RIC3: variants seen among roughly 807,000 people sequenced by gnomAD.
RIC3 encodes the protein RIC3 acetylcholine receptor chaperone, also known as protein RIC-3.
In RIC3, 28 loss-of-function variants were observed where a neutral mutation model predicts 27.3. The ratio of observed to expected loss-of-function variants is 1.02; its 90% CI spans 0.76 to 1.41. RIC3 has a LOEUF of 1.41. Ranked by LOEUF, RIC3 falls within the 40% of genes most tolerant of loss-of-function variation. The pLI, the probability that RIC3 is intolerant of heterozygous loss-of-function variation, is 0.00. For synonymous variants in RIC3, 184 were observed against 160.4 expected (o/e 1.15, Z -1.11); for missense variants, 501 against 444.7 (o/e 1.13, Z -1.14).
intron 1 of RIC3, among the ~76,000 whole-genome samples, chr11:8,143,770 T>C (rs1443148043): frequency 1.3e-5 from 2 of 152,136 alleles, no homozygotes; most frequent in Non-Finnish European, 2.9e-5. Flanking sequence ...GCTACCTGAC[T>C]TCAAACTATA....
chr11:8,157,545 G>A (rs375803424), intron 1 of RIC3, among the ~76,000 whole-genome samples: 36 of 152,168 alleles, frequency 2.4e-4, no homozygotes, highest in African/African-American at 7.7e-4. Flanking sequence ...TGTTCCTAGT[G>A]GTCTCCGGCT....
chr11:8,144,923 C>G (rs1293756859), intron 1 of RIC3, among the ~76,000 whole-genome samples: 1 of 147,592 alleles, frequency 6.8e-6, no homozygotes, highest in Non-Finnish European at 1.5e-5. Flanking sequence ...AGTAAACTAT[C>G]GCAAGAACAA....
the RIC3 span, among the ~76,000 whole-genome samples, chr11:8,098,592 C>T: frequency 3.3e-5 from 5 of 152,208 alleles, no homozygotes; most frequent in Admixed American, 1.3e-4. Flanking sequence ...CTTCTGCCCA[C>T]GAAGTGTCTT....
chr11:8,128,908 C>T (rs1947331741), intron 4 of RIC3, among the ~76,000 whole-genome samples: 2 of 152,008 alleles, frequency 1.3e-5, no homozygotes, highest in Middle Eastern at 6.8e-3. Context: ...GCGCCAGCCA[C>T]CTCGCCTGGC....
chr11:8,137,841 T>C (rs1948600678), intron 3 of RIC3, among the ~76,000 whole-genome samples: 1 of 152,216 alleles, frequency 6.6e-6, no homozygotes, highest in Admixed American at 6.5e-5. Context: ...CCATGTTGTA[T>C]AAATTTAATT....
At chr11:8,163,614 A>G (rs955601086) in intron 1 of RIC3, among the ~76,000 whole-genome samples, 4 of 152,186 alleles carry the variant, frequency 2.6e-5, no homozygotes, top group East Asian at 1.9e-4. Flanking sequence ...AACAACATCA[A>G]AAAGAATAAA....
At chr11:8,111,249 T>G (rs549231593) in intron 5 of RIC3, 112 bp from the exon 6 acceptor site, 1 of 763,162 alleles carries the variant, frequency 1.3e-6, no homozygotes, top group South Asian at 1.9e-5. Context: ...TCCTAACAAA[T>G]CCATTCAAGA....
chr11:8,138,225 T>C (rs571606339), intron 3 of RIC3, 47 bp downstream of exon 3: 3 of 1,339,562 alleles, frequency 2.2e-6, no homozygotes, highest in East Asian at 4.6e-5. Flanking sequence ...GCTATAAAAC[T>C]GTTTGACTCA....
At chr11:8,118,206 C>G (rs958172758) in intron 5 of RIC3, among the ~76,000 whole-genome samples, 3 of 127,086 alleles carry the variant, frequency 2.4e-5, no homozygotes, top group African/African-American at 6.1e-5. Context: ...CTGGGCATGA[C>G]AGAGCAAGGT....
chr11:8,163,051 ATACACACACACACACACC>A (rs1431282777), intron 1 of RIC3, among the ~76,000 whole-genome samples: 7 of 108,008 alleles, frequency 6.5e-5, no homozygotes, highest in African/African-American at 1.4e-4. Context: ...ACACACACAC[ATACACACACACACACACC>A]CCCCAAAACA....
At chr11:8,128,085 T>C in intron 4 of RIC3, 1 of 394,362 alleles carries the variant, frequency 2.5e-6, no homozygotes, top group Non-Finnish European at 5.0e-6. Context: ...GGGCCTCTGA[T>C]AGCTCTATTC....
rs796158730 is a variant in RIC3, at chr11:8,131,900, C to CAAAAAAAAA, written c.522-5102_522-5094dup. The stretch of plus-strand genomic sequence containing the variant: ...TGGGTGACAGAGAGAGACTCCATCT[C>CAAAAAAAAA]AAAAAAAAAAAAAAAAAAAAAAAAA... On this transcript the variant is annotated intron_variant, in intron 4 of 5. Transcript: ENST00000309737. Among the ~76,000 whole-genome samples the CAAAAAAAAA allele has an allele frequency of 1.1e-4, 3 of 26,190 alleles. 1 individual carries two copies. The highest frequency in any genetic ancestry group is 1.5e-4 in the Non-Finnish European group (2 of 13,302). The allele number at this position is 26,190 out of a possible 152,430, so 17.2% of individuals were successfully genotyped here. A position where few individuals can be genotyped will look rare whatever the true frequency, so the allele number is the denominator to read the frequency against.
intron 1 of RIC3, among the ~76,000 whole-genome samples, chr11:8,146,545 C>T (rs1949699314): frequency 1.3e-5 from 2 of 152,260 alleles, no homozygotes; most frequent in African/African-American, 4.8e-5. Flanking sequence ...TAAAACATTT[C>T]AAGAGATTTA....
chr11:8,135,025 G>C (rs988754011), intron 4 of RIC3, among the ~76,000 whole-genome samples: 1 of 152,122 alleles, frequency 6.6e-6, no homozygotes, highest in Non-Finnish European at 1.5e-5. Context: ...TTTTGGTTTT[G>C]TTGCCATTGC....
At chr11:8,097,207 A>G in the RIC3 span, 448 of 1,613,276 alleles carry the variant, frequency 2.8e-4, 1 homozygote, top group East Asian at 9.7e-3. Flanking sequence ...GGGCTCAGGC[A>G]CCTATTCTGC....
chr11:8,136,431 T>G (rs1948432745), intron 4 of RIC3, among the ~76,000 whole-genome samples: 1 of 152,236 alleles, frequency 6.6e-6, no homozygotes, highest in South Asian at 2.1e-4. Context: ...AAGACCTAGC[T>G]GAAACTGAAC....
intron 1 of RIC3, among the ~76,000 whole-genome samples, chr11:8,152,731 T>C (rs1950346680): frequency 2.6e-5 from 4 of 152,150 alleles, no homozygotes; most frequent in Admixed American, 2.0e-4. Flanking sequence ...GTGAATTGCA[T>C]ATGTAAATTA....
intron 4 of RIC3, among the ~76,000 whole-genome samples, chr11:8,135,159 A>G (rs1468636234): frequency 7.9e-5 from 12 of 152,230 alleles, no homozygotes; most frequent in Non-Finnish European, 7.4e-5. Flanking sequence ...TAATTTTTGT[A>G]TAAGGTGTAA....
At chr11:8,133,006 T>C (rs1947919838) in intron 4 of RIC3, among the ~76,000 whole-genome samples, 1 of 152,216 alleles carries the variant, frequency 6.6e-6, no homozygotes, top group South Asian at 2.1e-4. Context: ...TGTTGAAACT[T>C]AATTGACATT....
Sources: allele counts gnomAD v4.1 joint callset (sites outside exome capture counted in the v4.1 genomes callset), GRCh38; gene constraint gnomAD v4.1.1; transcripts MANE v1.5; gene names NCBI Gene and HGNC (gene_info 2026-07-23, HGNC 2026-07-21).